The following FAM83A variants were observed in gnomAD, a reference collection of about 807,000 sequenced individuals.
FAM83A encodes protein FAM83A.
In FAM83A, 21 loss-of-function variants were observed where a neutral mutation model predicts 24.4. The ratio of observed to expected loss-of-function variants is 0.86; its 90% confidence interval spans 0.61 to 1.24. The LOEUF (loss-of-function observed/expected upper bound fraction) is 1.24, where lower values mean the gene tolerates loss of function less well. Among genes scored for constraint, FAM83A ranks in the 50% most tolerant of loss-of-function variants. FAM83A has a pLI of 0.00. For synonymous variants in FAM83A, 270 were observed against 252.4 expected, an observed-to-expected ratio of 1.07 and a Z score of -0.66; for missense variants, 617 against 579.8, an observed-to-expected ratio of 1.06 and a Z score of -0.66.
intron 1 of FAM83A, among the ~76,000 whole-genome samples, chr8:123,191,493 T>C (rs1283694945): frequency 1.3e-5 from 2 of 152,212 alleles, no homozygotes; most frequent in Non-Finnish European, 2.9e-5. Context: ...TGTTCTTCTC[T>C]GCTCTCCTTC....
intron 3 of FAM83A, among the ~76,000 whole-genome samples, chr8:123,194,994 G>C (rs1055637527): frequency 6.6e-6 from 1 of 152,128 alleles, no homozygotes; most frequent in African/African-American, 2.4e-5. Flanking sequence ...TGACTTCAGA[G>C]CTTAAAAGAT....
At chr8:123,208,093 C>T (rs1287335808) in exon 4 of FAM83A, 2 of 1,014,920 alleles carry the variant, frequency 2.0e-6, no homozygotes, top group African/African-American at 1.7e-5. Flanking sequence ...TAGTTTGGTA[C>T]TTCTGGTTCC....
intron 2 of FAM83A, among the ~76,000 whole-genome samples, 198 bp from the exon 3 acceptor site, chr8:123,193,825 AG>A (rs1350536745): frequency 6.6e-5 from 10 of 152,142 alleles, no homozygotes; most frequent in African/African-American, 2.4e-4. Flanking sequence ...CTCCTTTATA[AG>A]GCACTCCTCC....
upstream of FAM83A, chr8:123,181,894 C>T (rs115760005): frequency 2.7e-3 from 995 of 366,750 alleles, 9 homozygotes; most frequent in African/African-American, 0.019. Flanking sequence ...CCAGCAGAGC[C>T]CACCCAAAGA....
exon 1 of FAM83A, chr8:123,183,197 A>G: frequency 6.2e-7 from 1 of 1,613,602 alleles, no homozygotes; most frequent in Non-Finnish European, 8.5e-7. Context: ...GAGGGCAGCG[A>G]GCCGGCCCTA....
chr8:123,200,270 GC>G (rs1824306408), intron 3 of FAM83A, among the ~76,000 whole-genome samples: 1 of 152,166 alleles, frequency 6.6e-6, no homozygotes, highest in African/African-American at 2.4e-5. Context: ...CTGCAGTCAG[GC>G]CCACCTTCTT....
At chr8:123,193,935 G>A (rs902238321) in intron 2 of FAM83A, 89 bp from the exon 3 acceptor site, 7 of 1,524,252 alleles carry the variant, frequency 4.6e-6, no homozygotes, top group South Asian at 3.7e-5. Context: ...CAGAATGGGG[G>A]TAAAGGGAAC....
chr8:123,191,846 T>C, exon 2 of FAM83A: 2 of 1,613,888 alleles, frequency 1.2e-6, no homozygotes, highest in Middle Eastern at 1.7e-4. Context: ...GTGGAGATCT[T>C]CTGTGACATT....
At chr8:123,185,689 A>G (rs1267130032) in intron 1 of FAM83A, among the ~76,000 whole-genome samples, 2 of 152,202 alleles carry the variant, frequency 1.3e-5, no homozygotes, top group Non-Finnish European at 2.9e-5. Flanking sequence ...TCAGGGGTTC[A>G]CCCGTTTGGG....
At position 123,198,960 on chromosome 8, in the gene FAM83A, G is replaced by A. The variant is rs567314430; in HGVS notation, c.773+4812G>A. Among the ~76,000 whole-genome samples, 565 of 152,130 alleles carry A rather than the reference G, an allele frequency of 3.7e-3. 1 individual carries two copies. The highest frequency in any genetic ancestry group is 5.9e-3 in the Non-Finnish European group (402 of 67,992). On this transcript the variant is annotated intron_variant, in intron 3 of 3. Transcript: ENST00000690554. ...TCACTGTGTTGGCCAGGCTGGTCTC[G>A]AACTCTTGACCTCAATTGATGCGCC... is the stretch of plus-strand genomic sequence containing the variant.
chr8:123,182,214 G>A, upstream of FAM83A: 1 of 429,424 alleles, frequency 2.3e-6, no homozygotes, highest in South Asian at 1.6e-5. Context: ...CCTTCATAGG[G>A]CAGGGAGGGG....
intron 3 of FAM83A, among the ~76,000 whole-genome samples, chr8:123,199,124 A>C (rs1359154061): frequency 6.6e-6 from 1 of 152,140 alleles, no homozygotes; most frequent in Non-Finnish European, 1.5e-5. Flanking sequence ...ACAATAACGC[A>C]CTCCATTTGT....
exon 1 of FAM83A, chr8:123,183,063 G>A (rs1193089852): frequency 6.2e-7 from 1 of 1,613,496 alleles, no homozygotes; most frequent in Admixed American, 1.7e-5. Context: ...TGGAGGCCCA[G>A]TACATCCAGG....
At chr8:123,189,925 C>A (rs1823914589) in intron 1 of FAM83A, among the ~76,000 whole-genome samples, 1 of 152,132 alleles carries the variant, frequency 6.6e-6, no homozygotes, top group South Asian at 2.1e-4. Flanking sequence ...GGTTCACATC[C>A]CCCATCCTAA....
chr8:123,182,690 G>T, exon 1 of FAM83A: 1 of 1,003,220 alleles, frequency 1.0e-6, no homozygotes, highest in South Asian at 1.4e-5. Flanking sequence ...CATTGCTCAG[G>T]ACAGCGGTAA....
rs544410477 is a variant in FAM83A, at chr8:123,195,464, G to A, written c.773+1316G>A. Among the ~76,000 whole-genome samples the A allele has an allele frequency of 6.6e-5, 10 of 152,302 alleles. 1 individual carries two copies. Among genetic ancestry groups the A allele is most frequent in the South Asian group, 2.1e-4 (1 of 4,820 alleles). On this transcript the variant is annotated intron_variant, in intron 3 of 3. Coordinates refer to ENST00000690554, the Ensembl canonical transcript of FAM83A. ...ATCTTTCTTTAGCCTTATTAGTGCC[G>A]TTTAGCTGAAATTCCACTTTTAATG...
intron 1 of FAM83A, 149 bp downstream of exon 1, chr8:123,183,485 C>T: frequency 8.0e-7 from 1 of 1,247,460 alleles, no homozygotes; most frequent in Middle Eastern, 2.8e-4. Context: ...CCGCCTTGCC[C>T]TGGACCACTG....
chr8:123,190,408 T>G (rs1219876340), intron 1 of FAM83A, among the ~76,000 whole-genome samples: 1 of 151,654 alleles, frequency 6.6e-6, no homozygotes, highest in Non-Finnish European at 1.5e-5. Context: ...ACTATAGGCG[T>G]GCACTACCAG....
chr8:123,194,230 A>G, intron 3 of FAM83A, 82 bp downstream of exon 3: 1 of 1,567,610 alleles, frequency 6.4e-7, no homozygotes, highest in African/African-American at 1.3e-5. Context: ...CGCTGCTCAG[A>G]CACAAACACC....
Sources: gnomAD v4.1 joint callset for allele counts (sites outside exome capture counted in the v4.1 genomes callset) on GRCh38, gnomAD v4.1.1 for gene constraint, MANE v1.5 for transcripts, NCBI Gene and HGNC (gene_info 2026-07-23, HGNC 2026-07-21) for gene names.